Variants in FBXO45 observed in about 807,000 individuals in gnomAD.
The protein encoded by FBXO45 is F-box/SPRY domain-containing protein 1.
A neutral mutation model predicts 25.5 loss-of-function variants in FBXO45; 3 were observed. The observed-to-expected ratio is 0.12, with a 90% confidence interval of 0.05 to 0.30. The LOEUF is 0.30. Among genes scored for constraint, FBXO45 ranks in the 10% least tolerant of loss-of-function variants. The pLI, the probability that FBXO45 is intolerant of heterozygous loss-of-function variation, is 1.00. For missense variants in FBXO45, 219 were observed against 365.0 expected (o/e 0.60, Z 3.26); for synonymous variants, 155 against 149.8 (o/e 1.03, Z -0.25).
Position 196,584,081 on chromosome 3 carries a change from C to A in FBXO45, c.676-52C>A. ...CTTCTTGATTTGTGTCTTGTTTCTT[C>A]TAGCTACACCCTTGGCAGATTTTCT... On this transcript the variant is annotated intron_variant, in intron 2 of 2. Coordinates refer to ENST00000311630, the MANE Select transcript of FBXO45 (RefSeq NM_001105573.2). This position sits in a 1 kb window ranked among gnomAD's most constrained non-coding sequence, Gnocchi z 4.3. The A allele has an allele frequency of 6.5e-7, 1 of 1,531,464 alleles. No homozygotes were observed. The highest frequency in any genetic ancestry group is 8.9e-7 in the Non-Finnish European group (1 of 1,124,874). 94.9% of individuals were successfully genotyped at this position (1,531,464 alleles called of 1,614,324 possible). A position where few individuals can be genotyped will look rare whatever the true frequency, so the allele number is the denominator to read the frequency against.
At chr3:196,578,911 C>T (rs1413677229) in intron 2 of FBXO45, among the ~76,000 whole-genome samples, 1 of 152,096 alleles carries the variant, frequency 6.6e-6, no homozygotes, top group Admixed American at 6.6e-5. Flanking sequence ...AATACCCCTG[C>T]TCTAGATGGT....
rs750948344 is a variant in FBXO45, at chr3:196,569,073, C to G, written c.89C>G (p.Ser30Cys). 2 of 1,408,386 alleles carry G rather than the reference C, an allele frequency of 1.4e-6. No homozygotes were observed. Among genetic ancestry groups the G allele is most frequent in the South Asian group, 2.8e-5 (2 of 70,884 alleles). The allele number at this position is 1,408,386 out of a possible 1,614,324, so 87.2% of individuals were successfully genotyped here. A position where few individuals can be genotyped will look rare whatever the true frequency, so the allele number is the denominator to read the frequency against. ...GCGGGCGCGGGCGCGGGCTCGGGCTCTGGGGCCGCGGGGGCCGGGGGCCGG... is the reference window on the plus strand; with the variant it reads ...GCGGGCGCGGGCGCGGGCTCGGGCTGTGGGGCCGCGGGGGCCGGGGGCCGG... Reference protein sequence around the residue: ...GGAGAGAGSGSGAAGAGGRLP... With the variant: ...GGAGAGAGSGCGAAGAGGRLP... Residue 30 changes from serine (S) to cysteine (C), a missense_variant, in exon 1 of 3, where the codon TCT (serine) becomes TGT (cysteine). Coordinates refer to ENST00000311630, the MANE Select transcript of FBXO45 (RefSeq NM_001105573.2). This position sits in a 1 kb window ranked among gnomAD's most constrained non-coding sequence, Gnocchi z 4.1.
chr3:196,577,803 A>G lies in FBXO45; in HGVS notation c.669A>G (p.Lys223=). Residue 223 remains lysine, a synonymous_variant, in exon 2 of 3, where the codon AAA becomes AAG. Transcript: ENST00000311630. ...GSFPQCNNAP[K]YQIGERIRVI... ...TTCCACAGTGCAACAACGCACCAAA[A>G]TATCAGGTGAGAAACTGGGGTTTTT... 1 of 1,570,276 alleles carries G rather than the reference A, an allele frequency of 6.4e-7. No individual in the cohort carries two copies. Among genetic ancestry groups the G allele is most frequent in the East Asian group, 2.3e-5 (1 of 43,852 alleles).
chr3:196,586,927 C>G lies in FBXO45; in HGVS notation c.*2609C>G, dbSNP rs868635046. On this transcript the variant is annotated 3_prime_UTR_variant, in exon 3 of 3. Transcript: ENST00000311630. ...AAAAAAAAAAATCCTTGCTCCCTCC[C>G]TTCACTACCTCACAAGGATATTGAG... 3 of 152,090 alleles carry G rather than the reference C, an allele frequency of 2.0e-5. No homozygotes were observed. The South Asian group carries it at 6.2e-4, about 31-fold the overall frequency. The allele number at this position is 152,090 out of a possible 1,614,324, so 9.4% of individuals were successfully genotyped here.
intron 2 of FBXO45, 52 bp downstream of exon 2, chr3:196,577,861 A>C (rs1735940693): frequency 8.5e-7 from 1 of 1,176,204 alleles, no homozygotes; most frequent in African/African-American, 1.6e-5. Context: ...ATCACGCCTT[A>C]ATTTGTTTTA....
Position 196,584,043 on chromosome 3 carries a change from T to G in FBXO45, c.676-90T>G. The G allele has an allele frequency of 8.2e-7, 1 of 1,224,106 alleles. No homozygotes were observed. Among genetic ancestry groups the G allele is most frequent in the Non-Finnish European group, 1.2e-6 (1 of 860,356 alleles). 75.8% of individuals were successfully genotyped at this position (1,224,106 alleles called of 1,614,324 possible). The stretch of plus-strand genomic sequence containing the variant: ...CTAGATAGCTTTCAGGATAATATTC[T>G]TAATATTTTCAACTTCTTGATTTGT... On this transcript the variant is annotated intron_variant, in intron 2 of 2. Transcript: ENST00000311630. The surrounding 1 kb of genome is among the most constrained non-coding windows in gnomAD (Gnocchi z 4.3).
chr3:196,577,878 C>A, intron 2 of FBXO45, 69 bp downstream of exon 2: 1 of 1,033,022 alleles, frequency 9.7e-7, no homozygotes, highest in Non-Finnish European at 1.3e-6. Context: ...TTTAAATTTA[C>A]AAATTTTTAT....
chr3:196,575,329 G>A (rs977729267), intron 1 of FBXO45, among the ~76,000 whole-genome samples: 2 of 151,896 alleles, frequency 1.3e-5, no homozygotes, highest in South Asian at 2.1e-4. Flanking sequence ...GGTGGTGCAC[G>A]TCTGTAATCC....
intron 1 of FBXO45, among the ~76,000 whole-genome samples, chr3:196,575,967 G>A (rs563962514): frequency 1.3e-5 from 2 of 152,276 alleles, no homozygotes; most frequent in African/African-American, 4.8e-5. Context: ...GTGAGCCACC[G>A]CGCCCGGCCC....
chr3:196,580,158 C>T (rs1235880824), intron 2 of FBXO45, among the ~76,000 whole-genome samples: 2 of 151,006 alleles, frequency 1.3e-5, no homozygotes, highest in Non-Finnish European at 1.5e-5. Context: ...AAACCACGCC[C>T]GGCTAATTTA....
chr3:196,574,413 A>G (rs746773174), intron 1 of FBXO45, among the ~76,000 whole-genome samples: 38 of 152,198 alleles, frequency 2.5e-4, no homozygotes, highest in Non-Finnish European at 4.7e-4. Context: ...TTAAAGTTAT[A>G]TTTTATATAA....
chr3:196,574,826 T>C (rs1192389111), intron 1 of FBXO45, among the ~76,000 whole-genome samples: 1 of 152,092 alleles, frequency 6.6e-6, no homozygotes, highest in African/African-American at 2.4e-5. Context: ...TCTTAGAGAA[T>C]GTGTGGGAGA....
At chr3:196,572,001 TAAA>T (rs760176717) in intron 1 of FBXO45, among the ~76,000 whole-genome samples, 2 of 152,204 alleles carry the variant, frequency 1.3e-5, no homozygotes, top group East Asian at 1.9e-4. Context: ...GTTACAGACA[TAAA>T]AAAGTATACT....
At chr3:196,577,292 G>T (rs1286421290) in intron 1 of FBXO45, among the ~76,000 whole-genome samples, 161 bp from the exon 2 acceptor site, 11 of 152,106 alleles carry the variant, frequency 7.2e-5, no homozygotes, top group Non-Finnish European at 1.5e-4. Context: ...TATTCTGTTA[G>T]TATTCCATCC....
At position 196,584,380 on chromosome 3, in the gene FBXO45, C is replaced by G. The variant is rs750857676; in HGVS notation, c.*62C>G. The stretch of plus-strand genomic sequence containing the variant: ...GAGATCTGCTTATGGGAAGTAGAAC[C>G]ATGAAGTGACTGTCACACATGCATG... On this transcript the variant is annotated 3_prime_UTR_variant, in exon 3 of 3. Coordinates refer to ENST00000311630, the MANE Select transcript of FBXO45 (RefSeq NM_001105573.2). The surrounding 1 kb of genome is among the most constrained non-coding windows in gnomAD (Gnocchi z 4.3). The G allele has an allele frequency of 5.7e-6, 8 of 1,412,542 alleles. No individual in the cohort carries two copies. The highest frequency in any genetic ancestry group is 7.6e-6 in the Non-Finnish European group (8 of 1,050,286). The allele number at this position is 1,412,542 out of a possible 1,614,324, so 87.5% of individuals were successfully genotyped here.
intron 1 of FBXO45, among the ~76,000 whole-genome samples, chr3:196,574,539 G>A (rs983273681): frequency 6.6e-6 from 1 of 152,124 alleles, no homozygotes; most frequent in Admixed American, 6.5e-5. Context: ...GAGGAAACAA[G>A]GTGGTTTACT....
intron 1 of FBXO45, among the ~76,000 whole-genome samples, chr3:196,572,914 G>T (rs778316067): frequency 3.9e-5 from 6 of 152,066 alleles, no homozygotes; most frequent in Admixed American, 1.3e-4. Flanking sequence ...ATAATGTAGA[G>T]ATCAGTTGAT....
chr3:196,583,263 T>C (rs1736047429), intron 2 of FBXO45, among the ~76,000 whole-genome samples: 1 of 152,170 alleles, frequency 6.6e-6, no homozygotes. Flanking sequence ...ATCCCAGCAC[T>C]TTGGGAGGCT....
At chr3:196,579,697 T>G (rs1735976078) in intron 2 of FBXO45, among the ~76,000 whole-genome samples, 1 of 152,224 alleles carries the variant, frequency 6.6e-6, no homozygotes, top group Non-Finnish European at 1.5e-5. Flanking sequence ...GTTACTGATT[T>G]TTTTCTACCC....
Sources: allele counts gnomAD v4.1 joint callset (sites outside exome capture counted in the v4.1 genomes callset), GRCh38; gene constraint gnomAD v4.1.1; non-coding constraint Gnocchi (gnomAD v3.1); transcripts MANE v1.5; gene names NCBI Gene and HGNC (gene_info 2026-07-23, HGNC 2026-07-21).